The following ROBO2 variants were observed in gnomAD, a reference collection of about 807,000 sequenced individuals.
ROBO2 encodes the protein roundabout guidance receptor 2, also known as roundabout homolog 2.
Under a neutral mutation model 160.8 loss-of-function variants are expected in ROBO2, and 53 were observed. The observed-to-expected ratio is 0.33, with a 90% CI of 0.26 to 0.41. The LOEUF is 0.41. Ranked by LOEUF, ROBO2 falls within the 10% of genes least tolerant of loss-of-function variation. ROBO2 has a pLI of 1.00. For synonymous variants in ROBO2, 664 were observed against 611.7 expected (o/e 1.09, Z -1.26); for missense variants, 1,577 against 1,722.4 (o/e 0.92, Z 1.49).
At chr3:76,361,739 AC>A (rs956981434) in intron 2 of ROBO2, among the ~76,000 whole-genome samples, 8 of 152,068 alleles carry the variant, frequency 5.3e-5, no homozygotes, top group African/African-American at 1.7e-4. Flanking sequence ...TAAGAAATTC[AC>A]CATTATATCC....
chr3:76,780,042 A>G (rs575714502), intron 2 of ROBO2, among the ~76,000 whole-genome samples: 8 of 150,944 alleles, frequency 5.3e-5, no homozygotes, highest in Non-Finnish European at 1.0e-4. Context: ...CCTTTTCTTC[A>G]TATTCTCATC....
At chr3:76,334,991 C>A (rs1553710631) in intron 2 of ROBO2, among the ~76,000 whole-genome samples, 1 of 151,668 alleles carries the variant, frequency 6.6e-6, no homozygotes, top group Non-Finnish European at 1.5e-5. Context: ...ACTTCAAATG[C>A]TTTTTTTCAT....
At chr3:76,608,753 G>A (rs2087851036) in intron 2 of ROBO2, among the ~76,000 whole-genome samples, 1 of 152,128 alleles carries the variant, frequency 6.6e-6, no homozygotes, top group African/African-American at 2.4e-5. Context: ...CCTATGTGGT[G>A]AGACATAGGG....
intron 2 of ROBO2, among the ~76,000 whole-genome samples, chr3:76,127,677 T>C (rs1241902754): frequency 6.6e-6 from 1 of 151,888 alleles, no homozygotes; most frequent in African/African-American, 2.4e-5. Flanking sequence ...AATTATCTCA[T>C]TTATCAACGA....
rs149986733 is a variant in ROBO2, at chr3:76,511,528, T to A, written c.109+573926T>A. Among the ~76,000 whole-genome samples, 1,273 of 152,176 alleles carry A rather than the reference T, an allele frequency of 8.4e-3. 5 individuals are homozygous for A. The highest frequency in any genetic ancestry group is 0.014 in the Non-Finnish European group (922 of 67,942). On this transcript the variant is annotated intron_variant, in intron 2 of 26. Transcript: ENST00000487694. ...TTAATACAACCATGTGACCAGGATA[T>A]CTTTAGATCAAATAAAGTAAACATA...
chr3:76,546,913 A>C (rs550418319), intron 2 of ROBO2, among the ~76,000 whole-genome samples: 9 of 152,050 alleles, frequency 5.9e-5, no homozygotes, highest in African/African-American at 1.9e-4. Context: ...TTTCAACCTC[A>C]AGAGCTTGTC....
intron 2 of ROBO2, among the ~76,000 whole-genome samples, chr3:76,363,186 G>C (rs1364310699): frequency 6.6e-6 from 1 of 151,696 alleles, no homozygotes; most frequent in Non-Finnish European, 1.5e-5. Flanking sequence ...TCACCTGCCA[G>C]CTAACAAAGT....
intron 2 of ROBO2, among the ~76,000 whole-genome samples, chr3:76,934,443 T>TA (rs1491456405): frequency 7.4e-4 from 74 of 99,934 alleles, no homozygotes; most frequent in African/African-American, 2.1e-3. Flanking sequence ...ATGGTTCAAT[T>TA]AAAGAAAAAA....
At chr3:77,494,117 A>G (rs1582442034) in intron 5 of ROBO2, among the ~76,000 whole-genome samples, 1 of 152,298 alleles carries the variant, frequency 6.6e-6, no homozygotes, top group East Asian at 1.9e-4. Context: ...TAAGTAATTC[A>G]AGTGTTTTTT....
chr3:77,322,059 T>G (rs977375561), intron 2 of ROBO2, among the ~76,000 whole-genome samples: 1 of 152,184 alleles, frequency 6.6e-6, no homozygotes, highest in African/African-American at 2.4e-5. Context: ...TGTTAATAAC[T>G]TTGCTAGAGC....
At chr3:76,312,611 T>C (rs1055723883) in intron 2 of ROBO2, among the ~76,000 whole-genome samples, 2 of 152,198 alleles carry the variant, frequency 1.3e-5, no homozygotes, top group African/African-American at 4.8e-5. Flanking sequence ...CCTAGTGTTA[T>C]CAATGGATTT....
intron 2 of ROBO2, among the ~76,000 whole-genome samples, chr3:76,222,850 G>T (rs1311978303): frequency 3.3e-5 from 5 of 151,988 alleles, no homozygotes; most frequent in Admixed American, 6.6e-5. Context: ...CGCCACCCGG[G>T]TTCAAGTAAT....
At chr3:76,995,012 C>T (rs912708152) in intron 2 of ROBO2, among the ~76,000 whole-genome samples, 2 of 151,662 alleles carry the variant, frequency 1.3e-5, no homozygotes, top group African/African-American at 4.8e-5. Flanking sequence ...AGGTTTGTTA[C>T]ATAGGTATAC....
chr3:76,542,715 G>T (rs1421851504), intron 2 of ROBO2, among the ~76,000 whole-genome samples: 2 of 152,006 alleles, frequency 1.3e-5, no homozygotes, highest in African/African-American at 2.4e-5. Context: ...ATCTTGAAAG[G>T]AATAATCCAC....
chr3:75,934,992 A>G (rs74281655), intron 1 of ROBO2, among the ~76,000 whole-genome samples: 1 of 152,214 alleles, frequency 6.6e-6, no homozygotes, highest in African/African-American at 2.4e-5. Flanking sequence ...AAGTGGTTCC[A>G]CTATAATTAT....
At chr3:76,321,017 T>G (rs151173748) in intron 2 of ROBO2, among the ~76,000 whole-genome samples, 3,880 of 152,266 alleles carry the variant, frequency 0.025, 147 homozygotes, top group African/African-American at 0.084. Context: ...ATGCATTCAT[T>G]CAATAAATAT....
intron 2 of ROBO2, among the ~76,000 whole-genome samples, chr3:76,014,492 T>C (rs1015242647): frequency 1.3e-5 from 1 of 79,134 alleles, no homozygotes; most frequent in African/African-American, 4.7e-5. Context: ...CTTATGCGTG[T>C]AATCCCAGAA....
rs2094276012 is a variant in ROBO2 at position 77,595,264 on chromosome 3, G to A, written c.2726+80G>A. The A allele has an allele frequency of 4.7e-6, 5 of 1,070,436 alleles. 1 individual carries two copies. The Admixed American group carries it at 7.7e-5, about 17-fold the overall frequency. The allele number at this position is 1,070,436 out of a possible 1,614,324, so 66.3% of individuals were successfully genotyped here. ...AACTCTATAGTAAGAGCCTATTATT[G>A]TAATAAATGATCACTTAAAAGTCTG... On this transcript the variant is annotated intron_variant, in intron 18 of 25. Coordinates refer to ENST00000461745, the Ensembl canonical transcript of ROBO2.
intron 2 of ROBO2, among the ~76,000 whole-genome samples, chr3:76,075,592 A>G (rs1010549115): frequency 2.0e-5 from 3 of 152,116 alleles, no homozygotes; most frequent in Non-Finnish European, 1.5e-5. Flanking sequence ...ATTTTACACA[A>G]TGTAATGCCT....
Sources: gnomAD v4.1 joint callset for allele counts (sites outside exome capture counted in the v4.1 genomes callset) on GRCh38, gnomAD v4.1.1 for gene constraint, MANE v1.5 for transcripts, NCBI Gene and HGNC (gene_info 2026-07-23, HGNC 2026-07-21) for gene names.